PARD3: variants seen among roughly 807,000 people sequenced by gnomAD.
PARD3 encodes the protein partitioning defective 3 homolog.
Under a neutral mutation model 155.4 loss-of-function variants are expected in PARD3, and 75 were observed. The ratio of observed to expected loss-of-function variants is 0.48; its 90% CI spans 0.40 to 0.58. The LOEUF (loss-of-function observed/expected upper bound fraction) is 0.58. Among genes scored for constraint, PARD3 ranks in the 20% least tolerant of loss-of-function variants. The pLI is 0.00. For missense variants in PARD3, 1,642 were observed against 1,721.7 expected (o/e 0.95, Z 0.82); for synonymous variants, 576 against 610.5 (o/e 0.94, Z 0.83).
chr10:34,212,114 T>C (rs998070181), intron 22 of PARD3, among the ~76,000 whole-genome samples: 2 of 151,992 alleles, frequency 1.3e-5, no homozygotes, highest in African/African-American at 2.4e-5. Context: ...ATCTACTAAC[T>C]TAAGTATGCT....
intron 1 of PARD3, among the ~76,000 whole-genome samples, chr10:34,771,042 C>G (rs939115210): frequency 1.3e-5 from 2 of 151,990 alleles, no homozygotes; most frequent in Non-Finnish European, 2.9e-5. Context: ...AAGGGAAAGA[C>G]GGAGAGACAA....
At chr10:34,412,485 G>A (rs887638623) in intron 5 of PARD3, among the ~76,000 whole-genome samples, 2 of 152,034 alleles carry the variant, frequency 1.3e-5, no homozygotes, top group African/African-American at 4.8e-5. Context: ...CTGCATTAAG[G>A]TGTAACCTTT....
At chr10:34,335,749 G>A (rs535329888) in intron 18 of PARD3, among the ~76,000 whole-genome samples, 28 of 152,112 alleles carry the variant, frequency 1.8e-4, no homozygotes, top group South Asian at 1.0e-3. Flanking sequence ...AATACCGGAC[G>A]TTGTCCTACA....
In PARD3 at chr10:34,389,954, T is replaced by C. The variant is rs144436331; in HGVS notation, c.891-5700A>G. Among the ~76,000 whole-genome samples the C allele has an allele frequency of 6.6e-5, 10 of 152,304 alleles. No individual in the cohort carries two copies. The East Asian group carries it at 1.5e-3, about 24-fold the overall frequency. ...TCATATTGCTATATATAAAGAGACA[T>C]GATTCATGTAAGTGTAAACTGCAAC... On this transcript the variant is annotated intron_variant, in intron 7 of 24. Coordinates refer to ENST00000374788, the MANE Select transcript of PARD3 (RefSeq NM_001184785.2).
intron 2 of PARD3, among the ~76,000 whole-genome samples, chr10:34,660,502 T>C (rs2093295463): frequency 6.6e-6 from 1 of 152,116 alleles, no homozygotes; most frequent in Non-Finnish European, 1.5e-5. Context: ...GGGGCTGCAC[T>C]ACACACCTGG....
intron 1 of PARD3, among the ~76,000 whole-genome samples, chr10:34,760,194 GCGCA>G (rs1421715401): frequency 6.3e-4 from 10 of 15,766 alleles, no homozygotes; most frequent in South Asian, 6.3e-3. Flanking sequence ...GTGGGGGACA[GCGCA>G]GCGGTGTAGA....
chr10:34,233,659 T>A (rs1207095005), intron 22 of PARD3, among the ~76,000 whole-genome samples: 3 of 152,122 alleles, frequency 2.0e-5, no homozygotes, highest in African/African-American at 7.3e-5. Flanking sequence ...CAAGTCAGAA[T>A]CTTGCCAGTC....
chr10:34,648,525 G>A (rs192053421), intron 2 of PARD3, among the ~76,000 whole-genome samples: 3 of 152,278 alleles, frequency 2.0e-5, no homozygotes, highest in Admixed American at 2.0e-4. Context: ...GATGGTTTCA[G>A]GATGAAACCA....
intron 15 of PARD3, chr10:34,345,182 C>G (rs1025224365): frequency 1.0e-6 from 1 of 985,194 alleles, no homozygotes; most frequent in Non-Finnish European, 1.2e-6. Context: ...CATGGGATAT[C>G]AGGACTTAGT....
intron 2 of PARD3, among the ~76,000 whole-genome samples, chr10:34,531,792 A>C (rs1343783978): frequency 6.6e-6 from 1 of 152,114 alleles, no homozygotes; most frequent in Non-Finnish European, 1.5e-5. Context: ...CACTAGTGGC[A>C]CTTCACATGG....
At chr10:34,314,614 T>A (rs780112488) in intron 20 of PARD3, among the ~76,000 whole-genome samples, 1 of 152,144 alleles carries the variant, frequency 6.6e-6, no homozygotes, top group Non-Finnish European at 1.5e-5. Flanking sequence ...TTTGTGGAAT[T>A]CCATAGACTT....
At chr10:34,223,427 T>C (rs1952420012) in intron 22 of PARD3, among the ~76,000 whole-genome samples, 2 of 152,164 alleles carry the variant, frequency 1.3e-5, no homozygotes, top group South Asian at 4.1e-4. Flanking sequence ...AGGTTATATA[T>C]TAGATACTAT....
chr10:34,331,962 A>C (rs775384749), intron 18 of PARD3, among the ~76,000 whole-genome samples: 15 of 152,318 alleles, frequency 9.8e-5, no homozygotes, highest in Admixed American at 3.9e-4. Context: ...TTCTATAGGA[A>C]GAGTAACACA....
At chr10:34,227,883 TAC>T (rs1564499920) in intron 22 of PARD3, among the ~76,000 whole-genome samples, 4 of 130,458 alleles carry the variant, frequency 3.1e-5, no homozygotes, top group South Asian at 2.3e-4. Context: ...TATATATATA[TAC>T]TGGGAATATA....
intron 5 of PARD3, among the ~76,000 whole-genome samples, chr10:34,430,844 G>C (rs562772278): frequency 1.3e-5 from 2 of 152,288 alleles, no homozygotes; most frequent in African/African-American, 4.8e-5. Context: ...GTCAAATCTA[G>C]GCCATCTGAT....
At chr10:34,355,314 C>A (rs1371157688) in intron 14 of PARD3, among the ~76,000 whole-genome samples, 1 of 151,628 alleles carries the variant, frequency 6.6e-6, no homozygotes, top group Non-Finnish European at 1.5e-5. Context: ...GGCAACAGAG[C>A]GAGAGAGCAA....
At chr10:34,684,788 C>T (rs1407623101) in intron 2 of PARD3, among the ~76,000 whole-genome samples, 70 of 74,874 alleles carry the variant, frequency 9.3e-4, no homozygotes, top group African/African-American at 4.9e-3. Context: ...TACACACACA[C>T]ACACACACAC....
intron 20 of PARD3, chr10:34,312,216 C>CA (rs1314120361): frequency 2.7e-6 from 4 of 1,509,360 alleles, no homozygotes; most frequent in Admixed American, 1.9e-5. Context: ...ACTAAACCAT[C>CA]AAACTGCTGA....
At chr10:34,592,167 T>C (rs972959013) in intron 2 of PARD3, among the ~76,000 whole-genome samples, 1 of 152,194 alleles carries the variant, frequency 6.6e-6, no homozygotes, top group African/African-American at 2.4e-5. Context: ...GGCACAACTT[T>C]CTTTTCTGGA....
Sources: allele counts gnomAD v4.1 joint callset (sites outside exome capture counted in the v4.1 genomes callset), GRCh38; gene constraint gnomAD v4.1.1; transcripts MANE v1.5; gene names NCBI Gene and HGNC (gene_info 2026-07-23, HGNC 2026-07-21).